The following FAM168A variants were observed in gnomAD, a reference collection of about 807,000 sequenced individuals.
FAM168A encodes the protein protein FAM168A.
A neutral mutation model predicts 28.5 loss-of-function variants in FAM168A; 3 were observed. The observed-to-expected ratio is 0.11, with a 90% CI of 0.05 to 0.27. FAM168A has a LOEUF of 0.27. Among genes scored for constraint, FAM168A ranks in the 10% least tolerant of loss-of-function variants. FAM168A has a pLI of 1.00. For missense variants in FAM168A, 222 were observed against 311.5 expected, an observed-to-expected ratio of 0.71 and a Z score of 2.16; for synonymous variants, 122 against 124.2, an observed-to-expected ratio of 0.98 and a Z score of 0.12.
At chr11:73,566,223 T>A (rs1001022052) in intron 1 of FAM168A, among the ~76,000 whole-genome samples, 1 of 152,236 alleles carries the variant, frequency 6.6e-6, no homozygotes, top group Admixed American at 6.5e-5. Flanking sequence ...CATTTTTCCC[T>A]AAATTGTGTC....
chr11:73,420,904 G>A lies in FAM168A; in HGVS notation c.152-905C>T, dbSNP rs117392795. 656 of 152,766 alleles carry A rather than the reference G, an allele frequency of 4.3e-3. 1 individual carries two copies. The highest frequency in any genetic ancestry group is 0.014 in the Middle Eastern group (4 of 294). 9.5% of individuals were successfully genotyped at this position (152,766 alleles called of 1,614,324 possible). On this transcript the variant is annotated intron_variant, in intron 3 of 7. Transcript: ENST00000356467. Reference sequence around the variant, plus strand: ...AAAAAACTTACCTTCATGGTGTCCTGAGGGAAGGAGAAGAGAAACAGAGTT... The same window carrying A: ...AAAAAACTTACCTTCATGGTGTCCTAAGGGAAGGAGAAGAGAAACAGAGTT...
In FAM168A at chr11:73,406,955, A is replaced by G. The variant is rs76278157; in HGVS notation, c.*19-211T>C. Among the ~76,000 whole-genome samples, 49 of 152,316 alleles carry G rather than the reference A, an allele frequency of 3.2e-4. No homozygotes were observed. In the East Asian group the frequency reaches 6.8e-3, roughly 21 times the overall value. ...TTCAAAGTGACATCCCTGGAGCCCT[A>G]TGGTTCACTGTCACTGCCTCAGGAG... On this transcript the variant is annotated intron_variant, in intron 7 of 7. Transcript: ENST00000356467.
chr11:73,455,330 T>A (rs981933905), intron 2 of FAM168A, among the ~76,000 whole-genome samples: 1 of 152,204 alleles, frequency 6.6e-6, no homozygotes, highest in Non-Finnish European at 1.5e-5. Flanking sequence ...GCTCACACGC[T>A]CTGTCCCACA....
chr11:73,543,247 C>T (rs1257124302), intron 1 of FAM168A, among the ~76,000 whole-genome samples: 2 of 150,030 alleles, frequency 1.3e-5, no homozygotes, highest in Non-Finnish European at 3.0e-5. Context: ...TAATCAACTT[C>T]AGCCATTAAT....
chr11:73,544,049 T>C (rs1265803499), intron 1 of FAM168A, among the ~76,000 whole-genome samples: 1 of 152,156 alleles, frequency 6.6e-6, no homozygotes, highest in Non-Finnish European at 1.5e-5. Context: ...GGAGGATCAC[T>C]TGAGCCCAGG....
intron 1 of FAM168A, among the ~76,000 whole-genome samples, chr11:73,562,070 G>C (rs914661600): frequency 5.9e-5 from 9 of 152,136 alleles, no homozygotes; most frequent in African/African-American, 2.2e-4. Context: ...AGCCTCCTGA[G>C]TAGCTGGGAT....
chr11:73,505,165 T>C (rs1368017638), intron 1 of FAM168A, among the ~76,000 whole-genome samples: 2 of 149,312 alleles, frequency 1.3e-5, no homozygotes, highest in Admixed American at 6.7e-5. Context: ...TGCATACACA[T>C]AATATGGCCA....
intron 2 of FAM168A, among the ~76,000 whole-genome samples, chr11:73,446,481 C>G (rs1867317023): frequency 6.6e-6 from 1 of 152,146 alleles, no homozygotes; most frequent in Admixed American, 6.5e-5. Flanking sequence ...GAGAAAATTA[C>G]CTGAGCAACA....
intron 1 of FAM168A, among the ~76,000 whole-genome samples, chr11:73,474,537 C>T (rs1266702300): frequency 6.6e-6 from 1 of 152,016 alleles, no homozygotes; most frequent in African/African-American, 2.4e-5. Flanking sequence ...GACAGGGCCC[C>T]CAGAACCTAA....
chr11:73,477,622 T>C (rs1330606166), intron 1 of FAM168A, among the ~76,000 whole-genome samples: 1 of 151,992 alleles, frequency 6.6e-6, no homozygotes, highest in Non-Finnish European at 1.5e-5. Flanking sequence ...TAAAAGGGAA[T>C]AACAATAAGA....
At position 73,514,159 on chromosome 11, in the gene FAM168A, TAAATA is replaced by T. The variant is rs562426967; in HGVS notation, c.-18-45672_-18-45668del. 4.6e-4 allele frequency among the ~76,000 whole-genome samples: 69 copies of T among 150,838 alleles called. 1 individual carries two copies. Among genetic ancestry groups the T allele is most frequent in the African/African-American group, 1.6e-3 (67 of 41,020 alleles). On this transcript the variant is annotated intron_variant, in intron 1 of 7. Transcript: ENST00000356467. ...CAGAGTGAGACTCTCTCTCAAAAAA[TAAATA>T]AAATAAAAAGAAGGTAGTGAGCAGG... is the stretch of plus-strand genomic sequence containing the variant.
intron 1 of FAM168A, among the ~76,000 whole-genome samples, chr11:73,488,412 A>G (rs1354863500): frequency 1.3e-5 from 2 of 152,086 alleles, no homozygotes; most frequent in Admixed American, 1.3e-4. Context: ...ATTACAGGTG[A>G]GAGCCACTGT....
rs2134464843 is a variant in FAM168A at position 73,400,647 on chromosome 11, C to A, written c.*6116G>T. ...CCCTTAGGGCAGACCCCTGTCAGATCAGCTGTAAGATGTACCATAGGTTTT... is the reference window on the plus strand; with the variant it reads ...CCCTTAGGGCAGACCCCTGTCAGATAAGCTGTAAGATGTACCATAGGTTTT... On this transcript the variant is annotated 3_prime_UTR_variant, in exon 8 of 8. Coordinates refer to ENST00000356467, the MANE Select transcript of FAM168A (RefSeq NM_015159.3). 1.3e-5 allele frequency: 2 copies of A among 152,364 alleles called. No homozygotes were observed. The highest frequency in any genetic ancestry group is 6.8e-3 in the Middle Eastern group (2 of 294). The allele number at this position is 152,364 out of a possible 1,614,324, so 9.4% of individuals were successfully genotyped here. A position where few individuals can be genotyped will look rare whatever the true frequency, so the allele number is the denominator to read the frequency against.
chr11:73,451,566 A>ATTTGAGTCACTGACC (rs61584300), intron 2 of FAM168A, among the ~76,000 whole-genome samples: 1 of 152,090 alleles, frequency 6.6e-6, no homozygotes, highest in Non-Finnish European at 1.5e-5. Context: ...GCATAATGAC[A>ATTTGAGTCACTGACC]GCATATATGA....
chr11:73,485,798 G>T (rs1157924664), intron 1 of FAM168A, among the ~76,000 whole-genome samples: 1 of 152,056 alleles, frequency 6.6e-6, no homozygotes, highest in Admixed American at 6.5e-5. Flanking sequence ...GTCAAACCAG[G>T]CCCAATGTGC....
intron 1 of FAM168A, among the ~76,000 whole-genome samples, chr11:73,594,441 C>T (rs1018409560): frequency 2.0e-5 from 3 of 151,780 alleles, no homozygotes; most frequent in African/African-American, 7.3e-5. Context: ...TGTATTTTTA[C>T]CTTTTTAACC....
intron 4 of FAM168A, among the ~76,000 whole-genome samples, chr11:73,413,476 G>C (rs909948988): frequency 4.6e-5 from 7 of 152,182 alleles, no homozygotes; most frequent in African/African-American, 1.7e-4. Context: ...TGTGGTCATA[G>C]GAGGAGAAGC....
At chr11:73,573,165 C>T (rs1944127292) in intron 1 of FAM168A, among the ~76,000 whole-genome samples, 1 of 152,062 alleles carries the variant, frequency 6.6e-6, no homozygotes, top group African/African-American at 2.4e-5. Context: ...GGAACTTTCC[C>T]CTAAAAATGG....
intron 1 of FAM168A, among the ~76,000 whole-genome samples, chr11:73,526,994 T>C (rs1255155875): frequency 6.6e-6 from 1 of 151,352 alleles, no homozygotes. Flanking sequence ...TGCGGGGACA[T>C]CTAGCTTCTG....
Sources: allele counts gnomAD v4.1 joint callset (sites outside exome capture counted in the v4.1 genomes callset), GRCh38; gene constraint gnomAD v4.1.1; transcripts MANE v1.5; gene names NCBI Gene and HGNC (gene_info 2026-07-23, HGNC 2026-07-21).